Variants in B4GALT6 observed in about 807,000 individuals in gnomAD.
The protein encoded by B4GALT6 is UDP-Gal:beta-GlcNAc beta-1,4-galactosyltransferase 6.
Under a neutral mutation model 46.3 loss-of-function variants are expected in B4GALT6, and 14 were observed. The ratio of observed to expected loss-of-function variants is 0.30; its 90% CI spans 0.20 to 0.47. The LOEUF (loss-of-function observed/expected upper bound fraction) is 0.47, where lower values mean the gene tolerates loss of function less well. B4GALT6 is among the 20% of genes least tolerant of loss of function. B4GALT6 has a pLI of 0.99. For missense variants in B4GALT6, 386 were observed against 480.1 expected (o/e 0.80, Z 1.83); for synonymous variants, 168 against 162.0 (o/e 1.04, Z -0.28).
chr18:31,724,329 C>T, the B4GALT6 span: 6 of 652,086 alleles, frequency 9.2e-6, no homozygotes, highest in Non-Finnish European at 1.3e-5. Flanking sequence ...GGCTACTAGT[C>T]CAGGCGGCTT....
chr18:31,638,385 G>A (rs2073888010), intron 5 of B4GALT6, among the ~76,000 whole-genome samples: 1 of 152,052 alleles, frequency 6.6e-6, no homozygotes, highest in Admixed American at 6.6e-5. Flanking sequence ...AAATTAGCCG[G>A]GCGTGGTGGC....
intron 1 of B4GALT6, among the ~76,000 whole-genome samples, chr18:31,668,237 T>G (rs1454233908): frequency 6.6e-6 from 1 of 152,118 alleles, no homozygotes; most frequent in African/African-American, 2.4e-5. Context: ...ATGTTCTCAC[T>G]TGTAAGTGGG....
At chr18:31,640,422 A>G (rs2073915001) in intron 4 of B4GALT6, among the ~76,000 whole-genome samples, 1 of 152,218 alleles carries the variant, frequency 6.6e-6, no homozygotes, top group South Asian at 2.1e-4. Context: ...AAAAAGTTTC[A>G]TTTATAAAGA....
At chr18:31,683,728 C>T (rs1368050733) in intron 1 of B4GALT6, among the ~76,000 whole-genome samples, 1 of 152,108 alleles carries the variant, frequency 6.6e-6, no homozygotes, top group Non-Finnish European at 1.5e-5. Context: ...TTGAAAATAA[C>T]ACCCAAGCAG....
intron 1 of B4GALT6, among the ~76,000 whole-genome samples, chr18:31,683,493 A>G (rs2074505216): frequency 6.6e-6 from 1 of 152,222 alleles, no homozygotes; most frequent in Non-Finnish European, 1.5e-5. Context: ...CTCATTCACT[A>G]GAATTAACGC....
At chr18:31,663,218 A>G (rs2074240867) in intron 2 of B4GALT6, among the ~76,000 whole-genome samples, 1 of 152,212 alleles carries the variant, frequency 6.6e-6, no homozygotes, top group South Asian at 2.1e-4. Context: ...TTTTGCTGCG[A>G]AACAGCAGCT....
chr18:31,660,117 C>A (rs2144657714), intron 2 of B4GALT6, among the ~76,000 whole-genome samples: 1 of 151,996 alleles, frequency 6.6e-6, no homozygotes, highest in East Asian at 1.9e-4. Flanking sequence ...CACCACCACA[C>A]CCAGCTAATT....
At chr18:31,698,186 T>C in the B4GALT6 span, among the ~76,000 whole-genome samples, 1 of 152,244 alleles carries the variant, frequency 6.6e-6, no homozygotes, top group African/African-American at 2.4e-5. Flanking sequence ...TTCTCAGCTG[T>C]ATATTTAATT....
At chr18:31,718,713 C>T in the B4GALT6 span, among the ~76,000 whole-genome samples, 3 of 152,172 alleles carry the variant, frequency 2.0e-5, no homozygotes, top group East Asian at 3.8e-4. Context: ...GAGAAGAAGC[C>T]GCTACCAGGA....
At chr18:31,685,726 G>A (rs899780671), upstream of B4GALT6, 1 of 152,234 alleles carries the variant, frequency 6.6e-6, no homozygotes, top group African/African-American at 2.4e-5. Flanking sequence ...GAAGGATGCT[G>A]TACCTGAAAG....
intron 1 of B4GALT6, among the ~76,000 whole-genome samples, chr18:31,674,648 T>C (rs957983996): frequency 6.6e-6 from 1 of 152,192 alleles, no homozygotes; most frequent in Non-Finnish European, 1.5e-5. Context: ...TCTTTCCACA[T>C]CTAGCCTCTT....
chr18:31,641,070 G>C (rs1233788939), intron 4 of B4GALT6, among the ~76,000 whole-genome samples: 1 of 152,180 alleles, frequency 6.6e-6, no homozygotes, highest in Non-Finnish European at 1.5e-5. Flanking sequence ...TCAATGAGCT[G>C]TAAAAGCAGT....
At chr18:31,662,722 TCCCA>T (rs562720831) in intron 2 of B4GALT6, among the ~76,000 whole-genome samples, 1 of 152,192 alleles carries the variant, frequency 6.6e-6, no homozygotes, top group South Asian at 2.1e-4. Flanking sequence ...GCGCCTGTAG[TCCCA>T]CCTACTTGGG....
the B4GALT6 span, among the ~76,000 whole-genome samples, chr18:31,710,760 C>T: frequency 1.3e-5 from 2 of 148,810 alleles, no homozygotes; most frequent in South Asian, 4.4e-4. Flanking sequence ...ACTAACGCAC[C>T]TTTTTAAAAA....
In B4GALT6 at chr18:31,684,558, G is replaced by C; in HGVS notation, c.-132C>G. Reference sequence around the variant, plus strand: ...CGGGGTCCGCGCGGGGAGGCTCTGGGGAGAGGGCCCGAGCGGAAAAGAGGA... The same window carrying C: ...CGGGGTCCGCGCGGGGAGGCTCTGGCGAGAGGGCCCGAGCGGAAAAGAGGA... On this transcript the variant is annotated 5_prime_UTR_variant, in exon 1 of 9. Coordinates refer to ENST00000306851, the MANE Select transcript of B4GALT6 (RefSeq NM_004775.5). 2.7e-6 allele frequency: 4 copies of C among 1,462,214 alleles called. No homozygotes were observed. Among genetic ancestry groups the C allele is most frequent in the Non-Finnish European group, 3.6e-6 (4 of 1,105,368 alleles). 90.6% of individuals were successfully genotyped at this position (1,462,214 alleles called of 1,614,324 possible).
the B4GALT6 span, among the ~76,000 whole-genome samples, chr18:31,714,582 G>T: frequency 6.6e-6 from 1 of 152,160 alleles, no homozygotes; most frequent in Non-Finnish European, 1.5e-5. Context: ...TCTCTACAGA[G>T]ACCAGAGCCT....
chr18:31,702,387 C>T, the B4GALT6 span, among the ~76,000 whole-genome samples: 1 of 152,080 alleles, frequency 6.6e-6, no homozygotes, highest in African/African-American at 2.4e-5. Flanking sequence ...CTAATTGCCA[C>T]CAATAAGGGA....
At chr18:31,689,972 G>T (rs142337093), upstream of B4GALT6, among the ~76,000 whole-genome samples, 1 of 152,046 alleles carries the variant, frequency 6.6e-6, no homozygotes, top group Non-Finnish European at 1.5e-5. Context: ...TGAATTCTAC[G>T]CAGTGTTACT....
the B4GALT6 span, among the ~76,000 whole-genome samples, chr18:31,700,460 T>TGCGTGTGA: frequency 6.8e-6 from 1 of 147,012 alleles, no homozygotes; most frequent in Non-Finnish European, 1.5e-5. Flanking sequence ...TGTGTGTGTG[T>TGCGTGTGA]GTGTGTGTGA....
Sources: allele counts gnomAD v4.1 joint callset (sites outside exome capture counted in the v4.1 genomes callset), GRCh38; gene constraint gnomAD v4.1.1; transcripts MANE v1.5; gene names NCBI Gene and HGNC (gene_info 2026-07-23, HGNC 2026-07-21).